CSMD3: variants seen among roughly 807,000 people sequenced by gnomAD.
CSMD3 encodes CUB and sushi domain-containing protein 3.
In CSMD3, 177 loss-of-function variants were observed where a neutral mutation model predicts 435.2. The observed-to-expected ratio is 0.41, with a 90% confidence interval of 0.36 to 0.46. CSMD3 has a LOEUF of 0.46. Ranked by LOEUF, CSMD3 falls within the 20% of genes least tolerant of loss-of-function variation. CSMD3 has a pLI of 0.34. For missense variants in CSMD3, 4,265 were observed against 4,504.6 expected (o/e 0.95, Z 1.52); for synonymous variants, 1,656 against 1,520.5 (o/e 1.09, Z -2.07).
intron 22 of CSMD3, among the ~76,000 whole-genome samples, chr8:112,595,316 A>G (rs1337374543): frequency 7.9e-5 from 12 of 150,994 alleles, no homozygotes; most frequent in Admixed American, 7.9e-4. Context: ...GTTTAGAGAA[A>G]AAAGAATAAC....
At chr8:112,679,112 GAAAAAT>G (rs1276578116) in intron 16 of CSMD3, among the ~76,000 whole-genome samples, 1 of 147,114 alleles carries the variant, frequency 6.8e-6, no homozygotes, top group Non-Finnish European at 1.5e-5. Flanking sequence ...TTTAAATTAG[GAAAAAT>G]AAAAATAAGC....
intron 17 of CSMD3, among the ~76,000 whole-genome samples, chr8:112,659,699 T>G (rs550669079): frequency 2.0e-5 from 3 of 152,134 alleles, no homozygotes; most frequent in Non-Finnish European, 4.4e-5. Context: ...CAAAAATTCC[T>G]TTGCAGATCT....
chr8:112,790,264 T>C (rs1035968694), intron 13 of CSMD3, among the ~76,000 whole-genome samples: 4 of 151,866 alleles, frequency 2.6e-5, no homozygotes, highest in African/African-American at 9.7e-5. Context: ...CTGACTCTAA[T>C]CAGGAATATA....
intron 1 of CSMD3, among the ~76,000 whole-genome samples, chr8:113,315,210 C>T (rs1378676598): frequency 1.3e-5 from 2 of 152,120 alleles, no homozygotes; most frequent in African/African-American, 4.8e-5. Context: ...AGAATTAACT[C>T]CATTTTTCTT....
At chr8:113,117,236 G>T (rs2090857335) in intron 4 of CSMD3, among the ~76,000 whole-genome samples, 1 of 152,220 alleles carries the variant, frequency 6.6e-6, no homozygotes. Context: ...TTGCTACTTT[G>T]TGCAAGCTCA....
intron 1 of CSMD3, among the ~76,000 whole-genome samples, chr8:113,415,746 C>CACTT (rs1181921939): frequency 6.6e-6 from 1 of 152,020 alleles, no homozygotes. Flanking sequence ...ATTTTATTTT[C>CACTT]ACTTTGGGTA....
chr8:112,572,297 C>T (rs747154198), intron 24 of CSMD3, among the ~76,000 whole-genome samples: 1 of 151,980 alleles, frequency 6.6e-6, no homozygotes, highest in Non-Finnish European at 1.5e-5. Context: ...ATTCAGCATT[C>T]ATTTTGTTAA....
chr8:113,382,620 T>C (rs1461884626), intron 1 of CSMD3, among the ~76,000 whole-genome samples: 2 of 152,196 alleles, frequency 1.3e-5, no homozygotes, highest in Admixed American at 6.5e-5. Flanking sequence ...TGAGTCTATA[T>C]TAGAAGTCTC....
intron 4 of CSMD3, among the ~76,000 whole-genome samples, chr8:113,144,373 T>C (rs114682138): frequency 6.6e-6 from 1 of 151,392 alleles, no homozygotes; most frequent in African/African-American, 2.4e-5. Flanking sequence ...GCCCCACAAC[T>C]CTGCTGGCCA....
chr8:112,981,032 C>T (rs2085032080), intron 6 of CSMD3, among the ~76,000 whole-genome samples: 1 of 151,130 alleles, frequency 6.6e-6, no homozygotes, highest in South Asian at 2.1e-4. Context: ...TTAAGTAAAT[C>T]CTGGAAAAGA....
chr8:112,235,137 G>A (rs144293949), intron 67 of CSMD3, among the ~76,000 whole-genome samples: 9 of 152,222 alleles, frequency 5.9e-5, no homozygotes, highest in East Asian at 1.9e-4. Flanking sequence ...AAGCCAAGGC[G>A]GACAGATGGT....
At chr8:112,299,592 C>A (rs1324639626) in intron 53 of CSMD3, among the ~76,000 whole-genome samples, 1 of 151,946 alleles carries the variant, frequency 6.6e-6, no homozygotes, top group African/African-American at 2.4e-5. Context: ...CTGTCAATTC[C>A]TTTAATTGAA....
At chr8:112,759,338 T>C (rs1228903797) in intron 13 of CSMD3, among the ~76,000 whole-genome samples, 2 of 152,096 alleles carry the variant, frequency 1.3e-5, no homozygotes, top group Non-Finnish European at 2.9e-5. Context: ...GATATTATCA[T>C]CATAAATAAT....
At position 113,425,644 on chromosome 8, in the gene CSMD3, G is replaced by A. The variant is rs79896536; in HGVS notation, c.178+11033C>T. Among the ~76,000 whole-genome samples the A allele has an allele frequency of 4.6e-5, 7 of 151,286 alleles. No homozygotes were observed. The East Asian group carries it at 1.4e-3, about 29-fold the overall frequency. ...GTTTTCTAGCACTTTTCTAGAAAAT[G>A]GATCTTAAAAGTTTCTGTCTGACCT... On this transcript the variant is annotated intron_variant, in intron 1 of 70. Transcript: ENST00000297405.
intron 4 of CSMD3, among the ~76,000 whole-genome samples, chr8:113,143,306 A>ATGGAGGCT (rs2091594072): frequency 6.6e-6 from 1 of 151,382 alleles, no homozygotes; most frequent in Non-Finnish European, 1.5e-5. Flanking sequence ...TAAAATAAAA[A>ATGGAGGCT]AACAGTAATG....
chr8:112,530,493 T>A (rs1004236103), intron 27 of CSMD3, among the ~76,000 whole-genome samples: 1 of 151,340 alleles, frequency 6.6e-6, no homozygotes, highest in African/African-American at 2.4e-5. Flanking sequence ...TAAAGGAGAG[T>A]GATGGTATAT....
At chr8:112,529,308 G>T (rs1760812873) in intron 27 of CSMD3, among the ~76,000 whole-genome samples, 1 of 152,140 alleles carries the variant, frequency 6.6e-6, no homozygotes, top group Non-Finnish European at 1.5e-5. Flanking sequence ...TACACAAAAA[G>T]CACAGTTAAT....
rs777681191 is a variant in CSMD3, at chr8:112,336,852, A to C, written c.6842-23T>G. On this transcript the variant is annotated intron_variant, in intron 43 of 70. Coordinates refer to ENST00000297405, the MANE Select transcript of CSMD3 (RefSeq NM_198123.2). ...GAGCTACGGAAAAAGTCACAAAACA[A>C]AATAATATTTTAAAATAACAATAAA... The C allele has an allele frequency of 5.0e-6, 8 of 1,588,880 alleles. No homozygotes were observed. The South Asian group carries it at 8.9e-5, about 18-fold the overall frequency.
rs76409618 is a variant in CSMD3 at position 112,555,577 on chromosome 8, G to A, written c.4234+1186C>T. Among the ~76,000 whole-genome samples, 392 of 152,004 alleles carry A rather than the reference G, an allele frequency of 2.6e-3. 2 individuals are homozygous for A. The highest frequency in any genetic ancestry group is 9.1e-3 in the African/African-American group (376 of 41,510). On this transcript the variant is annotated intron_variant, in intron 25 of 70. Transcript: ENST00000297405. The stretch of plus-strand genomic sequence containing the variant: ...ACAATCTCTCCAAAATTCAGATGCC[G>A]TCTGAAAAGTAAGAACTGTGATTGC...
Sources: allele counts gnomAD v4.1 joint callset (sites outside exome capture counted in the v4.1 genomes callset), GRCh38; gene constraint gnomAD v4.1.1; transcripts MANE v1.5; gene names NCBI Gene and HGNC (gene_info 2026-07-23, HGNC 2026-07-21).